The following SPMAP2 variants were observed in gnomAD, a reference collection of about 807,000 sequenced individuals.
The protein encoded by SPMAP2 is Theg homolog.
chr19:369,790 G>T, the SPMAP2 span, among the ~76,000 whole-genome samples: 128 of 152,260 alleles, frequency 8.4e-4, no homozygotes, highest in African/African-American at 2.9e-3. Context: ...GGTGGATCTC[G>T]CAAAGAACCT....
chr19:363,695 G>A, the SPMAP2 span, among the ~76,000 whole-genome samples: 9 of 144,868 alleles, frequency 6.2e-5, no homozygotes, highest in East Asian at 2.2e-4. Context: ...CACCACGCCC[G>A]ACTAATTTTT....
the SPMAP2 span, chr19:374,116 C>G: frequency 6.8e-7 from 1 of 1,462,438 alleles, no homozygotes; most frequent in Non-Finnish European, 9.4e-7. Flanking sequence ...GGCCACCGTT[C>G]CCTAGCCACT....
chr19:373,653 T>G, the SPMAP2 span: 13 of 738,494 alleles, frequency 1.8e-5, no homozygotes, highest in Middle Eastern at 3.3e-4. Flanking sequence ...GGAGAGGGGG[T>G]AGGCCAGAGA....
chr19:373,930 C>T, the SPMAP2 span: 18 of 1,612,746 alleles, frequency 1.1e-5, no homozygotes, highest in Admixed American at 2.2e-4. Context: ...GGAGACAGCC[C>T]TGGACTTACC....
the SPMAP2 span, among the ~76,000 whole-genome samples, chr19:370,710 G>A: frequency 6.6e-6 from 1 of 152,190 alleles, no homozygotes; most frequent in Non-Finnish European, 1.5e-5. Flanking sequence ...ACCCTTCAGT[G>A]GGTGCCTGGA....
chr19:367,840 A>G, the SPMAP2 span, among the ~76,000 whole-genome samples: 1 of 152,178 alleles, frequency 6.6e-6, no homozygotes, highest in Non-Finnish European at 1.5e-5. Flanking sequence ...CGCATTCTCA[A>G]GAGAGGGCAA....
At chr19:371,152 C>G in the SPMAP2 span, 1 of 1,108,980 alleles carries the variant, frequency 9.0e-7, no homozygotes, top group South Asian at 2.0e-5. Flanking sequence ...CACTCTCTGC[C>G]GGGTCCCAGC....
chr19:365,365 C>G, the SPMAP2 span, among the ~76,000 whole-genome samples: 2 of 152,326 alleles, frequency 1.3e-5, no homozygotes, highest in East Asian at 1.9e-4. Flanking sequence ...CAGAGCCTAG[C>G]CTTCTTTGAA....
the SPMAP2 span, chr19:367,272 C>T: frequency 2.0e-6 from 3 of 1,505,290 alleles, no homozygotes; most frequent in Non-Finnish European, 2.7e-6. Context: ...GTCCATGATG[C>T]CTCGTGGGCC....
At chr19:373,635 A>T in the SPMAP2 span, 2 of 1,055,304 alleles carry the variant, frequency 1.9e-6, no homozygotes, top group Non-Finnish European at 2.8e-6. Flanking sequence ...TGGGGTGTGG[A>T]GTTGCTGGGA....
At chr19:372,374 C>A in the SPMAP2 span, among the ~76,000 whole-genome samples, 9 of 152,374 alleles carry the variant, frequency 5.9e-5, no homozygotes, top group East Asian at 1.5e-3. Context: ...CTGTGCAAAT[C>A]CCCGTTCACG....
the SPMAP2 span, among the ~76,000 whole-genome samples, chr19:371,534 C>T: frequency 1.8e-4 from 28 of 152,218 alleles, no homozygotes; most frequent in Admixed American, 1.6e-3. Context: ...AACAGGGATT[C>T]GTAAAGAATT....
At chr19:371,627 T>C in the SPMAP2 span, among the ~76,000 whole-genome samples, 4 of 152,180 alleles carry the variant, frequency 2.6e-5, no homozygotes, top group African/African-American at 9.7e-5. Flanking sequence ...GGTCCAGGCC[T>C]TCTCCATTCC....
the SPMAP2 span, chr19:372,669 C>T: frequency 6.2e-7 from 1 of 1,614,080 alleles, no homozygotes; most frequent in Non-Finnish European, 8.5e-7. Flanking sequence ...ATCTCTTGGG[C>T]CGAGACAGTT....
the SPMAP2 span, among the ~76,000 whole-genome samples, chr19:365,076 C>T: frequency 1.1e-3 from 170 of 152,320 alleles, no homozygotes; most frequent in Admixed American, 4.1e-3. Flanking sequence ...CCACGTGGCA[C>T]GTGGCTGGGC....
At chr19:373,382 G>A in the SPMAP2 span, 3 of 1,292,090 alleles carry the variant, frequency 2.3e-6, no homozygotes, top group African/African-American at 2.9e-5. Flanking sequence ...GGGCAAGGGA[G>A]GCCAGAAGTA....
chr19:374,149 A>C, the SPMAP2 span: 882 of 1,471,422 alleles, frequency 6.0e-4, 5 homozygotes, highest in African/African-American at 0.011. Flanking sequence ...CCACCTCCTT[A>C]ACTGGCCAAC....
chr19:363,940 C>A, the SPMAP2 span, among the ~76,000 whole-genome samples: 1,355 of 151,766 alleles, frequency 8.9e-3, 17 homozygotes, highest in East Asian at 0.03. Context: ...GGGTTCCAGC[C>A]ATCCTCCCAC....
At chr19:373,850 G>C in the SPMAP2 span, 1 of 1,227,718 alleles carries the variant, frequency 8.1e-7, no homozygotes, top group South Asian at 1.3e-5. Context: ...CCTCCCTGGA[G>C]AGAGGAGGGT....
Sources: allele counts gnomAD v4.1 joint callset (sites outside exome capture counted in the v4.1 genomes callset), GRCh38; gene constraint gnomAD v4.1.1; transcripts MANE v1.5; gene names NCBI Gene and HGNC (gene_info 2026-07-23, HGNC 2026-07-21).